DDX27: variants seen among roughly 807,000 people sequenced by gnomAD.
DDX27 encodes probable ATP-dependent RNA helicase DDX27.
Under a neutral mutation model 99.3 loss-of-function variants are expected in DDX27, and 42 were observed. That is an observed-to-expected ratio of 0.42 (90% CI 0.33 to 0.55). The LOEUF (loss-of-function observed/expected upper bound fraction) is 0.55, where lower values mean the gene tolerates loss of function less well. Among genes scored for constraint, DDX27 ranks in the 20% least tolerant of loss-of-function variants. The pLI is 0.07. For missense variants in DDX27, 798 were observed against 976.8 expected (o/e 0.82, Z 2.44); for synonymous variants, 329 against 353.8 (o/e 0.93, Z 0.79).
Position 49,235,070 on chromosome 20 carries a change from A to G in DDX27, c.1409A>G (p.Gln470Arg). Residue 470 changes from glutamine to arginine, a missense_variant, in exon 12 of 21, where the codon CAG becomes CGG. Gln to Arg is a conservative substitution (Grantham distance 43). Transcript: ENST00000618172. Reference sequence around the variant, plus strand: ...CTCCATGGCAACTTGTCACAGACGCAGCGGCTGGAGGCCCTCCGGTAACAT... The same window carrying G: ...CTCCATGGCAACTTGTCACAGACGCGGCGGCTGGAGGCCCTCCGGTAACAT... ...GELHGNLSQT[Q>R]RLEALRRFKD... 6.2e-7 allele frequency: 1 copy of G among 1,608,558 alleles called. No individual in the cohort carries two copies. Among genetic ancestry groups the G allele is most frequent in the Non-Finnish European group, 8.5e-7 (1 of 1,177,018 alleles).
intron 6 of DDX27, 28 bp downstream of exon 6, chr20:49,225,227 T>A: frequency 6.4e-7 from 1 of 1,569,952 alleles, no homozygotes; most frequent in African/African-American, 1.3e-5. Flanking sequence ...AAAATTTTCT[T>A]TGTAGAAGCA....
At chr20:49,240,353 A>G (rs1457774443) in intron 16 of DDX27, among the ~76,000 whole-genome samples, 1 of 152,224 alleles carries the variant, frequency 6.6e-6, no homozygotes, top group Non-Finnish European at 1.5e-5. Flanking sequence ...ATAAGTTCAC[A>G]TTGTTCTATG....
chr20:49,239,244 A>G lies in DDX27; in HGVS notation c.1803A>G (p.Thr601=). The G allele has an allele frequency of 1.2e-6, 2 of 1,614,088 alleles. No homozygotes were observed. The highest frequency in any genetic ancestry group is 1.1e-5 in the South Asian group (1 of 91,072). Residue 601 remains threonine (T), a synonymous_variant, in exon 16 of 21, where the codon ACA becomes ACG. Coordinates refer to ENST00000618172, the MANE Select transcript of DDX27 (RefSeq NM_017895.8). ...EMQQSEAQIN[T]AKRLLEKGKE... The stretch of plus-strand genomic sequence containing the variant: ...TTTTGTTATCTCTACAGATCAATAC[A>G]GCAAAGCGGCTCCTGGAGAAGGGGA...
In DDX27 at chr20:49,236,424, C is replaced by T. The variant is rs1361880007; in HGVS notation, c.1601C>T (p.Ser534Phe). 1 of 1,613,372 alleles carries T rather than the reference C, an allele frequency of 6.2e-7. No individual in the cohort carries two copies. ...ARAGRAGRSV[S>F]LVGEDERKML... The stretch of plus-strand genomic sequence containing the variant: ...GCTGGCAGGGCTGGGCGCTCAGTCT[C>T]TCTGGTGGGAGAAGATGAGCGGAAG... Residue 534 changes from serine (S) to phenylalanine (F), a missense_variant, in exon 14 of 21, where the codon TCT becomes TTT. Transcript: ENST00000618172. The surrounding 1 kb of genome is among the most constrained non-coding windows in gnomAD (Gnocchi z 4.1).
intron 11 of DDX27, chr20:49,234,139 A>C (rs1265965980): frequency 6.2e-6 from 1 of 160,186 alleles, no homozygotes; most frequent in African/African-American, 2.4e-5. Context: ...GGTGGCTTCC[A>C]TTGGTCTTAG....
intron 19 of DDX27, among the ~76,000 whole-genome samples, 159 bp downstream of exon 19, chr20:49,242,840 G>A (rs1055891031): frequency 1.3e-5 from 2 of 151,674 alleles, no homozygotes; most frequent in Non-Finnish European, 2.9e-5. Flanking sequence ...TCCTGCCTCA[G>A]TCTCCCAAGA....
chr20:49,232,864 C>T (rs373290864), intron 9 of DDX27: 223 of 156,192 alleles, frequency 1.4e-3, no homozygotes, highest in Middle Eastern at 0.01. Context: ...CGCTTGAACC[C>T]GGGAGGCCGA....
At chr20:49,220,176 C>G (rs1451627501) in intron 1 of DDX27, among the ~76,000 whole-genome samples, 1 of 152,180 alleles carries the variant, frequency 6.6e-6, no homozygotes. Context: ...TTCAACTCCT[C>G]CAAAGATGAA....
rs374268279 is a variant in DDX27 at position 49,233,260 on chromosome 20, C to G, written c.1032-46C>G. 6.9e-4 allele frequency: 1,024 copies of G among 1,484,884 alleles called. 11 individuals carry two copies. Among genetic ancestry groups the G allele is most frequent in the South Asian group, 6.5e-3 (569 of 87,272 alleles). 92.0% of individuals were successfully genotyped at this position (1,484,884 alleles called of 1,614,324 possible). A position where few individuals can be genotyped will look rare whatever the true frequency, so the allele number is the denominator to read the frequency against. ...GCAATCCCGTGTCCCTCACTGTGAC[C>G]GAAGAGCACTCTCTCCATTTCTGCC... On this transcript the variant is annotated intron_variant, in intron 9 of 20. Coordinates refer to ENST00000618172, the MANE Select transcript of DDX27 (RefSeq NM_017895.8).
Position 49,242,075 on chromosome 20 carries a change from C to A in DDX27, c.1993-8C>A, listed in dbSNP as rs746673257. ...TGTTCCACACTCACACCTCCCCACT[C>A]CCCCTAGGCAGAGGAAAGGTCTCAG... On this transcript the variant is annotated splice_polypyrimidine_tract_variant and splice_region_variant and intron_variant, in intron 17 of 20. Transcript: ENST00000618172. 2 of 1,614,226 alleles carry A rather than the reference C, an allele frequency of 1.2e-6. No individual in the cohort carries two copies. Among genetic ancestry groups the A allele is most frequent in the Non-Finnish European group, 1.7e-6 (2 of 1,180,046 alleles).
chr20:49,220,926 A>G (rs897613896), intron 1 of DDX27, among the ~76,000 whole-genome samples: 10 of 152,052 alleles, frequency 6.6e-5, no homozygotes, highest in Admixed American at 6.5e-4. Context: ...TTCATCTCTC[A>G]CAGCTCTCCT....
Sources: allele counts gnomAD v4.1 joint callset (sites outside exome capture counted in the v4.1 genomes callset), GRCh38; gene constraint gnomAD v4.1.1; non-coding constraint Gnocchi (gnomAD v3.1); transcripts MANE v1.5; gene names NCBI Gene and HGNC (gene_info 2026-07-23, HGNC 2026-07-21).